The following COL6A3 variants were observed in gnomAD, a reference collection of about 807,000 sequenced individuals.
The protein encoded by COL6A3 is collagen alpha-3(VI) chain.
In COL6A3, 137 loss-of-function variants were observed where a neutral mutation model predicts 274.1. That is an observed-to-expected ratio of 0.50 (90% CI 0.44 to 0.58). The LOEUF (loss-of-function observed/expected upper bound fraction) is 0.58. Among genes scored for constraint, COL6A3 ranks in the 20% least tolerant of loss-of-function variants. The probability of loss-of-function intolerance (pLI) is 0.00; values close to 1 mark genes in which losing one functional copy is unlikely to be tolerated. For missense variants in COL6A3, 3,950 were observed against 4,124.9 expected, an observed-to-expected ratio of 0.96 and a Z score of 1.16; for synonymous variants, 1,650 against 1,650.6, an observed-to-expected ratio of 1.00 and a Z score of 0.01.
In COL6A3 at chr2:237,344,335, G is replaced by A. The variant is rs762052453; in HGVS notation, c.7668+15C>T. The stretch of plus-strand genomic sequence containing the variant: ...GAAGAAAGGGAGATGCCAACAGCAC[G>A]CACAGAGCACAGACCTGCAAAGCGT... On this transcript the variant is annotated intron_variant, in intron 36 of 43. Transcript: ENST00000295550. This position sits in a 1 kb window ranked among gnomAD's most constrained non-coding sequence, Gnocchi z 4.8. 8.7e-6 allele frequency: 14 copies of A among 1,613,992 alleles called. No homozygotes were observed. Among genetic ancestry groups the A allele is most frequent in the Middle Eastern group, 1.6e-4 (1 of 6,084 alleles).
chr2:237,367,431 T>G (rs2077580264), intron 10 of COL6A3, 145 bp from the exon 11 acceptor site: 3 of 982,150 alleles, frequency 3.1e-6, no homozygotes. Context: ...CCATGCCTCT[T>G]TAGCCTGTAG....
In COL6A3 at chr2:237,353,360, T is replaced by G. The variant is rs754395952; in HGVS notation, c.6671A>C (p.Gln2224Pro). Residue 2224 changes from glutamine to proline, a missense_variant, in exon 25 of 44, where the codon CAG becomes CCG. Physicochemically the swap from Gln to Pro is moderately conservative, Grantham distance 76 (BLOSUM62 -1). This residue lies in a region of COL6A3 where 1,284 missense variants were observed against 1,349.7 expected (regional missense o/e 0.95). Transcript: ENST00000295550. ...GPGQPGFEGE[Q>P]GTRGAQGPAG... is the part of the protein sequence containing the mutation. ...ACTCACCTGTGCACCTCTGGTCCCC[T>G]GCTCTCCCTCAAAGCCCGGCTGGCC... The G allele has an allele frequency of 1.9e-6, 3 of 1,614,062 alleles. No homozygotes were observed. The highest frequency in any genetic ancestry group is 2.5e-6 in the Non-Finnish European group (3 of 1,180,036).
chr2:237,375,741 C>T (rs1321995160), intron 7 of COL6A3, among the ~76,000 whole-genome samples: 1 of 152,158 alleles, frequency 6.6e-6, no homozygotes, highest in Admixed American at 6.5e-5. Context: ...CAGGGTTTCA[C>T]CATGTTGGTC....
chr2:237,404,673 T>G (rs186574887), intron 1 of COL6A3, among the ~76,000 whole-genome samples: 1 of 152,316 alleles, frequency 6.6e-6, no homozygotes, highest in Non-Finnish European at 1.5e-5. Flanking sequence ...GTTTTGCTAA[T>G]GGTTTTCTTA....
chr2:237,390,842 C>T (rs2106382524), intron 3 of COL6A3, among the ~76,000 whole-genome samples: 1 of 152,324 alleles, frequency 6.6e-6, no homozygotes, highest in African/African-American at 2.4e-5. Context: ...CCAAAATCCT[C>T]CCTGTCACCT....
At chr2:237,339,428 C>G (rs2076937611) in intron 38 of COL6A3, among the ~76,000 whole-genome samples, 1 of 152,192 alleles carries the variant, frequency 6.6e-6, no homozygotes, top group Non-Finnish European at 1.5e-5. Flanking sequence ...TCAACAAGTT[C>G]TAGACTCTTG....
In COL6A3 at chr2:237,394,641, A is replaced by G; in HGVS notation, c.655T>C (p.Ser219Pro). 1.2e-6 allele frequency: 2 copies of G among 1,614,222 alleles called. No homozygotes were observed. The highest frequency in any genetic ancestry group is 1.7e-6 in the Non-Finnish European group (2 of 1,180,036). The change falls in exon 3 of 44, where the codon TCA (serine) becomes CCA (proline). Residue 219 changes from serine to proline, a missense_variant. Ser to Pro is a moderately conservative substitution (Grantham distance 74, BLOSUM62 -1). Transcript: ENST00000295550. ...IVGNLVSCVH[S>P]SVSPERAGDT... ...CCAGCCCTTTCTGGACTCACGGATG[A>G]ATGCACACAGGACACTAAGTTTCCT... is the stretch of plus-strand genomic sequence containing the variant.
rs981473140 is a variant in COL6A3, at chr2:237,374,266, A to T, written c.3679+146T>A. On this transcript the variant is annotated intron_variant, in intron 8 of 43. Coordinates refer to ENST00000295550, the MANE Select transcript of COL6A3 (RefSeq NM_004369.4). The surrounding 1 kb of genome is among the most constrained non-coding windows in gnomAD (Gnocchi z 4.8). ...TCTGCCCATCGAGGCCAAAAAGGGC[A>T]TGTGGGTTCCTAAATTTTCCTGTAA... The T allele has an allele frequency of 1.6e-5, 18 of 1,116,274 alleles. No individual in the cohort carries two copies. Among genetic ancestry groups the T allele is most frequent in the Middle Eastern group, 2.4e-4 (1 of 4,178 alleles). 69.1% of individuals were successfully genotyped at this position (1,116,274 alleles called of 1,614,324 possible).
Position 237,379,172 on chromosome 2 carries a change from T to C in COL6A3, c.1961A>G (p.Asn654Ser), listed in dbSNP as rs144501019. ...LDGSANVGKT[N>S]FPYVRDFVMN... is the part of the protein sequence containing the mutation. The stretch of plus-strand genomic sequence containing the variant: ...TACAAAGTCGCGCACATAAGGGAAA[T>C]TGGTTTTTCCAACGTTGGCTGATCC... Residue 654 changes from asparagine to serine, a missense_variant, in exon 6 of 44, where the codon AAT becomes AGT. This residue lies in a region of COL6A3 where 1,934 missense variants were observed against 1,984.3 expected (regional missense o/e 0.97). Transcript: ENST00000295550. 2.7e-5 allele frequency: 43 copies of C among 1,614,122 alleles called. No individual in the cohort carries two copies. In the African/African-American group the frequency reaches 4.4e-4, roughly 17 times the overall value.
At chr2:237,380,874 G>A in intron 5 of COL6A3, 41 bp downstream of exon 5, 2 of 1,587,172 alleles carry the variant, frequency 1.3e-6, no homozygotes, top group Non-Finnish European at 1.7e-6. Context: ...GCCCTGCCTG[G>A]AGACCACCCC....
intron 1 of COL6A3, among the ~76,000 whole-genome samples, chr2:237,410,452 C>T (rs2078830022): frequency 6.6e-6 from 1 of 152,020 alleles, no homozygotes; most frequent in African/African-American, 2.4e-5. Context: ...CAGGCACATG[C>T]CACCATGCCT....
chr2:237,408,153 A>C (rs568473515), intron 1 of COL6A3, among the ~76,000 whole-genome samples: 1 of 152,350 alleles, frequency 6.6e-6, no homozygotes, highest in South Asian at 2.1e-4. Context: ...ATTCTTGAAA[A>C]CAGAAACCTT....
In COL6A3 at chr2:237,365,884, G is replaced by A. The variant is rs200285455; in HGVS notation, c.5652C>T (p.Thr1884=). The change falls in exon 12 of 44, where the codon ACC becomes ACT. Residue 1884 remains threonine, a synonymous_variant. Transcript: ENST00000295550. The part of the protein sequence containing the change: ...RVSCSGGRSP[T]VRVSVVANTP... ...TGTTGGCCACCACTGACACACGCAC[G>A]GTGGGCGAGCGGCCACCGCTGCAGC... The A allele has an allele frequency of 2.0e-4, 328 of 1,614,154 alleles. No homozygotes were observed. The highest frequency in any genetic ancestry group is 8.2e-4 in the Middle Eastern group (5 of 6,062).
chr2:237,347,289 T>TCACA (rs374430423), intron 31 of COL6A3, among the ~76,000 whole-genome samples: 2 of 150,956 alleles, frequency 1.3e-5, no homozygotes, highest in African/African-American at 2.4e-5. Flanking sequence ...TGAGACCTTG[T>TCACA]CACACACACA....
At chr2:237,383,925 A>G (rs2078076546) in intron 4 of COL6A3, among the ~76,000 whole-genome samples, 1 of 152,090 alleles carries the variant, frequency 6.6e-6, no homozygotes, top group Non-Finnish European at 1.5e-5. Context: ...GAACCCTGAA[A>G]TGCACCTCTG....
Position 237,334,820 on chromosome 2 carries a change from G to C in COL6A3, c.9035C>G (p.Ala3012Gly), listed in dbSNP as rs1700449253. 1 of 1,614,146 alleles carries C rather than the reference G, an allele frequency of 6.2e-7. No individual in the cohort carries two copies. The highest frequency in any genetic ancestry group is 8.5e-7 in the Non-Finnish European group (1 of 1,180,012). The change falls in exon 41 of 44, where the codon GCT (alanine) becomes GGT (glycine). Residue 3012 changes from alanine (A) to glycine (G), a missense_variant. By Grantham distance (60) the Ala-to-Gly change is moderately conservative. Around this residue, in one of 5 missense-constraint regions of COL6A3, gnomAD observed 1,284 missense variants for 1,349.7 expected, o/e 0.95. Coordinates refer to ENST00000295550, the MANE Select transcript of COL6A3 (RefSeq NM_004369.4). The stretch of plus-strand genomic sequence containing the variant: ...ATAAAAATAAGGACCGGGGGGCTCA[G>C]CCCTCTCCCAGTGGAGTTTGGCGCT... ...ENSAKLHWER[A>G]EPPGPYFYDL...
At chr2:237,327,016 G>A (rs1375643047) in intron 42 of COL6A3, 1 of 152,240 alleles carries the variant, frequency 6.6e-6, no homozygotes, top group Non-Finnish European at 1.5e-5. Flanking sequence ...CAGAAAGCCA[G>A]TGGTCCCCAC....
rs773775745 is a variant in COL6A3 at position 237,350,193 on chromosome 2, G to A, written c.6833C>T (p.Pro2278Leu). Residue 2278 changes from proline to leucine, a missense_variant, in exon 28 of 44, where the codon CCA becomes CTA. Physicochemically the swap from Pro to Leu is moderately conservative, Grantham distance 98. Around this residue, in one of 5 missense-constraint regions of COL6A3, gnomAD observed 1,284 missense variants for 1,349.7 expected, o/e 0.95. Transcript: ENST00000295550. ...GTTCCCGATTCCTCCTTTTGGTCCT[G>A]GCTCTCCGGGCTCACCCTAGACATG... ...PLGRKGEPGEPGPKGGIGNRG... is the reference protein window; with the variant it reads ...PLGRKGEPGELGPKGGIGNRG... 1.1e-5 allele frequency: 17 copies of A among 1,613,918 alleles called. No individual in the cohort carries two copies. The highest frequency in any genetic ancestry group is 1.4e-5 in the Non-Finnish European group (16 of 1,179,960).
intron 25 of COL6A3, 50 bp downstream of exon 25, chr2:237,353,291 A>G (rs1404637513): frequency 1.0e-5 from 16 of 1,573,076 alleles, no homozygotes; most frequent in South Asian, 2.2e-5. Context: ...CATTTTTTAA[A>G]TGATTTGTGA....
Sources: allele counts gnomAD v4.1 joint callset (sites outside exome capture counted in the v4.1 genomes callset), GRCh38; gene constraint gnomAD v4.1.1; regional missense constraint gnomAD v4.1.1; non-coding constraint Gnocchi (gnomAD v3.1); transcripts MANE v1.5; gene names NCBI Gene and HGNC (gene_info 2026-07-23, HGNC 2026-07-21).